JPH1: variants seen among roughly 807,000 people sequenced by gnomAD.
The protein encoded by JPH1 is junctophilin-1.
A neutral mutation model predicts 53.6 loss-of-function variants in JPH1; 12 were observed. The observed-to-expected ratio is 0.22, with a 90% confidence interval of 0.14 to 0.36. The LOEUF (loss-of-function observed/expected upper bound fraction) is 0.36, where lower values mean the gene tolerates loss of function less well. Among genes scored for constraint, JPH1 ranks in the 10% least tolerant of loss-of-function variants. JPH1 has a pLI of 1.00. For missense variants in JPH1, 808 were observed against 905.5 expected, an observed-to-expected ratio of 0.89 and a Z score of 1.38; for synonymous variants, 375 against 363.8, an observed-to-expected ratio of 1.03 and a Z score of -0.35.
intron 2 of JPH1, among the ~76,000 whole-genome samples, chr8:74,265,267 C>T (rs533386110): frequency 6.6e-6 from 1 of 152,250 alleles, no homozygotes; most frequent in Non-Finnish European, 1.5e-5. Context: ...ATTCAGCCTC[C>T]TTTTGTAAGA....
At position 74,321,481 on chromosome 8, in the gene JPH1, TTCCTCC is replaced by T. The variant is rs373541776; in HGVS notation, c.-200_-195del. ...CTCTTTTGCCGCCGCCACCGCCGCCTTCCTCCTCCTCCTCCTCCTCCTTCGCCGCCG... is the reference window on the plus strand; with the variant it reads ...CTCTTTTGCCGCCGCCACCGCCGCCTTCCTCCTCCTCCTCCTTCGCCGCCG... On this transcript the variant is annotated 5_prime_UTR_variant, in exon 1 of 6. Coordinates refer to ENST00000342232, the MANE Select transcript of JPH1 (RefSeq NM_020647.4). The surrounding 1 kb of genome is among the most constrained non-coding windows in gnomAD (Gnocchi z 4.3). The T allele has an allele frequency of 3.0e-3, 1,506 of 499,374 alleles. 14 individuals carry two copies. Among genetic ancestry groups the T allele is most frequent in the African/African-American group, 0.023 (1,133 of 48,834 alleles). 30.9% of individuals were successfully genotyped at this position (499,374 alleles called of 1,614,324 possible).
chr8:74,315,523 C>T lies in JPH1; in HGVS notation c.477G>A (p.Leu159=), dbSNP rs746330788. The part of the protein sequence containing the change: ...YGMATVIRSP[L]RTSLASLRSE... ...TGCGCAGCGAGGCCAGCGAGGTACG[C>T]AGCGGTGAGCGGATCACCGTGGCCA... Residue 159 remains leucine (L), a synonymous_variant, in exon 2 of 6, where the codon CTG becomes CTA. Coordinates refer to ENST00000342232, the MANE Select transcript of JPH1 (RefSeq NM_020647.4). This position sits in a 1 kb window ranked among gnomAD's most constrained non-coding sequence, Gnocchi z 6.3. 2 of 1,605,394 alleles carry T rather than the reference C, an allele frequency of 1.2e-6. No homozygotes were observed. The highest frequency in any genetic ancestry group is 2.7e-5 in the African/African-American group (2 of 74,722).
rs1196214608 is a variant in JPH1 at position 74,234,839 on chromosome 8, CAA to C, written c.*2210_*2211del. The C allele has an allele frequency of 6.6e-6, 1 of 152,478 alleles. No homozygotes were observed. Among genetic ancestry groups the C allele is most frequent in the East Asian group, 1.9e-4 (1 of 5,200 alleles). The allele number at this position is 152,478 out of a possible 1,614,324, so 9.4% of individuals were successfully genotyped here. A position where few individuals can be genotyped will look rare whatever the true frequency, so the allele number is the denominator to read the frequency against. On this transcript the variant is annotated 3_prime_UTR_variant, in exon 6 of 6. Coordinates refer to ENST00000342232, the MANE Select transcript of JPH1 (RefSeq NM_020647.4). The stretch of plus-strand genomic sequence containing the variant: ...TTCACAGCAAGAAACTTTAAATAAA[CAA>C]AGTCATGTTTTATTAAGTACATTGG...
chr8:74,285,149 T>A (rs1294384512), intron 2 of JPH1, among the ~76,000 whole-genome samples: 1 of 151,798 alleles, frequency 6.6e-6, no homozygotes, highest in Non-Finnish European at 1.5e-5. Flanking sequence ...AACTGGAGAT[T>A]TTTTTTTAAA....
intron 2 of JPH1, among the ~76,000 whole-genome samples, chr8:74,278,948 G>A (rs1450574831): frequency 6.6e-6 from 1 of 151,346 alleles, no homozygotes; most frequent in African/African-American, 2.4e-5. Context: ...TATGAAGCAA[G>A]ACAGACACAC....
rs148315418 is a variant in JPH1 at position 74,257,944 on chromosome 8, A to G, written c.1258+1441T>C. On this transcript the variant is annotated intron_variant, in intron 3 of 5. Transcript: ENST00000342232. ...CCGAATCTTCTTTGCCTGGCCTTTT[A>G]CTGTCTTCTTTCTTTGCAGGAACCT... Among the ~76,000 whole-genome samples, 136 of 152,120 alleles carry G rather than the reference A, an allele frequency of 8.9e-4. No homozygotes were observed. The South Asian group carries it at 0.015, about 17-fold the overall frequency.
chr8:74,235,525 C>T lies in JPH1; in HGVS notation c.*1526G>A, dbSNP rs1806973141. On this transcript the variant is annotated 3_prime_UTR_variant, in exon 6 of 6. Transcript: ENST00000342232. ...AAAAAAAAAAAAAAATCTGATTAAA[C>T]CATGCAAATCATGAAAATATTTAGG... 6.6e-6 allele frequency: 1 copy of T among 152,388 alleles called. No individual in the cohort carries two copies. The highest frequency in any genetic ancestry group is 1.5e-5 in the Non-Finnish European group (1 of 67,988). The allele number at this position is 152,388 out of a possible 1,614,324, so 9.4% of individuals were successfully genotyped here.
At chr8:74,302,531 GA>G (rs776493524) in intron 2 of JPH1, among the ~76,000 whole-genome samples, 14 of 152,202 alleles carry the variant, frequency 9.2e-5, no homozygotes, top group Non-Finnish European at 1.6e-4. Flanking sequence ...TTACTTATTG[GA>G]AGAGACATTT....
chr8:74,312,956 C>A (rs1202265860), intron 2 of JPH1, among the ~76,000 whole-genome samples: 2 of 152,116 alleles, frequency 1.3e-5, no homozygotes, highest in Non-Finnish European at 2.9e-5. Flanking sequence ...AATAATACTA[C>A]CCCCAAAAGA....
intron 2 of JPH1, among the ~76,000 whole-genome samples, chr8:74,281,811 C>T (rs1807024184): frequency 6.6e-6 from 1 of 152,166 alleles, no homozygotes; most frequent in Non-Finnish European, 1.5e-5. Context: ...CACACCCTGC[C>T]CTTTTCTTAC....
intron 2 of JPH1, among the ~76,000 whole-genome samples, chr8:74,309,614 G>C (rs1807931975): frequency 6.6e-6 from 1 of 152,162 alleles, no homozygotes; most frequent in South Asian, 2.1e-4. Flanking sequence ...AAGGAGTAGT[G>C]ACATCTTTGA....
rs1247034467 is a variant in JPH1, at chr8:74,290,518, A to G, written c.1139+24343T>C. Among the ~76,000 whole-genome samples, 4 of 152,240 alleles carry G rather than the reference A, an allele frequency of 2.6e-5. No individual in the cohort carries two copies. In the East Asian group the frequency reaches 5.8e-4, roughly 22 times the overall value. On this transcript the variant is annotated intron_variant, in intron 2 of 5. Coordinates refer to ENST00000342232, the MANE Select transcript of JPH1 (RefSeq NM_020647.4). ...ATGGAAGAACATTCCATGCTCACCGATAGGAAGAATCAATGTTGTGAAAAT... is the reference window on the plus strand; with the variant it reads ...ATGGAAGAACATTCCATGCTCACCGGTAGGAAGAATCAATGTTGTGAAAAT...
chr8:74,275,464 A>G (rs893929156), intron 2 of JPH1, among the ~76,000 whole-genome samples: 4 of 152,220 alleles, frequency 2.6e-5, no homozygotes, highest in Non-Finnish European at 5.9e-5. Context: ...ACAAGATGTC[A>G]TCTTCTTTCC....
At chr8:74,279,777 C>T (rs1316151498) in intron 2 of JPH1, among the ~76,000 whole-genome samples, 1 of 152,176 alleles carries the variant, frequency 6.6e-6, no homozygotes, top group African/African-American at 2.4e-5. Context: ...TTTCCCCTGC[C>T]TCCAACAACA....
At chr8:74,255,644 C>T (rs184223628) in intron 3 of JPH1, among the ~76,000 whole-genome samples, 2,132 of 152,236 alleles carry the variant, frequency 0.014, 68 homozygotes, top group African/African-American at 0.049. Context: ...GCAACCTACT[C>T]ATCTGACAAA....
chr8:74,251,141 T>C (rs1806040064), intron 3 of JPH1, among the ~76,000 whole-genome samples: 1 of 152,188 alleles, frequency 6.6e-6, no homozygotes, highest in South Asian at 2.1e-4. Context: ...TCCTTCCCCA[T>C]AATAGAAACG....
intron 3 of JPH1, among the ~76,000 whole-genome samples, chr8:74,258,506 C>T (rs1019688721): frequency 3.3e-5 from 5 of 152,108 alleles, no homozygotes; most frequent in African/African-American, 7.2e-5. Context: ...TGACCAAGAT[C>T]GATTTTTTTG....
intron 4 of JPH1, among the ~76,000 whole-genome samples, chr8:74,243,868 T>C (rs1805768672): frequency 6.6e-6 from 1 of 152,250 alleles, no homozygotes; most frequent in Non-Finnish European, 1.5e-5. Context: ...GACTAATTGA[T>C]ACTAATAACC....
chr8:74,272,895 C>T (rs868421617), intron 2 of JPH1, among the ~76,000 whole-genome samples: 2 of 152,142 alleles, frequency 1.3e-5, no homozygotes, highest in South Asian at 2.1e-4. Context: ...TGAGCCACCG[C>T]GCCCGGCCGG....
Sources: allele counts gnomAD v4.1 joint callset (sites outside exome capture counted in the v4.1 genomes callset), GRCh38; gene constraint gnomAD v4.1.1; non-coding constraint Gnocchi (gnomAD v3.1); transcripts MANE v1.5; gene names NCBI Gene and HGNC (gene_info 2026-07-23, HGNC 2026-07-21).